HDAC1: variants seen among roughly 807,000 people sequenced by gnomAD.
HDAC1 encodes histone deacetylase 1, also known as protein deacetylase HDAC1.
In HDAC1, 18 loss-of-function variants were observed where a neutral mutation model predicts 65.5. The ratio of observed to expected loss-of-function variants is 0.27; its 90% confidence interval spans 0.19 to 0.41. HDAC1 has a LOEUF of 0.41. Ranked by LOEUF, HDAC1 falls within the 10% of genes least tolerant of loss-of-function variation. The pLI, the probability that HDAC1 is intolerant of heterozygous loss-of-function variation, is 1.00. For missense variants in HDAC1, 373 were observed against 625.2 expected, an observed-to-expected ratio of 0.60 and a Z score of 4.30; for synonymous variants, 211 against 227.9, an observed-to-expected ratio of 0.93 and a Z score of 0.67.
intron 13 of HDAC1, 80 bp from the exon 14 acceptor site, chr1:32,332,937 C>A: frequency 1.4e-6 from 2 of 1,433,044 alleles, no homozygotes; most frequent in Non-Finnish European, 2.0e-6. Flanking sequence ...CACCTAGGAT[C>A]CTGTGGAAGT....
chr1:32,333,175 A>T lies in HDAC1; in HGVS notation c.*131A>T. 2.6e-6 allele frequency: 2 copies of T among 759,154 alleles called. No individual in the cohort carries two copies. Among genetic ancestry groups the T allele is most frequent in the Non-Finnish European group, 4.1e-6 (2 of 488,314 alleles). 47.0% of individuals were successfully genotyped at this position (759,154 alleles called of 1,614,324 possible). On this transcript the variant is annotated 3_prime_UTR_variant, in exon 14 of 14. Coordinates refer to ENST00000373548, the MANE Select transcript of HDAC1 (RefSeq NM_004964.3). ...TAAATATAAATATCCCCAGGGACAG[A>T]AACCAAGGCCCCGAGCTCAGGGCAG...
intron 1 of HDAC1, among the ~76,000 whole-genome samples, chr1:32,302,378 G>A (rs1640859524): frequency 6.6e-6 from 1 of 151,800 alleles, no homozygotes; most frequent in African/African-American, 2.4e-5. Context: ...CTCTTGCTAT[G>A]TAGTGCCTGT....
intron 1 of HDAC1, among the ~76,000 whole-genome samples, chr1:32,292,677 C>G (rs1640713984): frequency 6.6e-6 from 1 of 152,016 alleles, no homozygotes; most frequent in South Asian, 2.1e-4. Context: ...GCGGGGCCTG[C>G]GGTTGCTACT....
rs960641597 is a variant in HDAC1, at chr1:32,332,575, A to T, written c.1373-126A>T. 6 of 727,674 alleles carry T rather than the reference A, an allele frequency of 8.2e-6. No homozygotes were observed. In the African/African-American group the frequency reaches 1.1e-4, roughly 13 times the overall value. The allele number at this position is 727,674 out of a possible 1,614,324, so 45.1% of individuals were successfully genotyped here. ...ACAGGGCTCACTGGGAGGACCAGGGATGGGCTTTTCTCTCTTTATGTCCAG... is the reference window on the plus strand; with the variant it reads ...ACAGGGCTCACTGGGAGGACCAGGGTTGGGCTTTTCTCTCTTTATGTCCAG... On this transcript the variant is annotated intron_variant, in intron 12 of 13. Coordinates refer to ENST00000373548, the MANE Select transcript of HDAC1 (RefSeq NM_004964.3).
chr1:32,322,929 AGTT>A (rs887468546), intron 3 of HDAC1, among the ~76,000 whole-genome samples: 75 of 152,188 alleles, frequency 4.9e-4, no homozygotes, highest in Admixed American at 2.6e-3. Context: ...CAGCTCATAG[AGTT>A]GTTGTGAGGA....
chr1:32,308,662 G>A (rs939129010), intron 2 of HDAC1, among the ~76,000 whole-genome samples: 7 of 151,896 alleles, frequency 4.6e-5, no homozygotes, highest in African/African-American at 1.7e-4. Context: ...GGGACTACAG[G>A]CACCTGCCAC....
intron 1 of HDAC1, among the ~76,000 whole-genome samples, chr1:32,301,850 G>A (rs753895772): frequency 2.0e-5 from 3 of 152,142 alleles, no homozygotes; most frequent in Non-Finnish European, 4.4e-5. Flanking sequence ...TTGAACTCCT[G>A]GGCTCAAGTG....
chr1:32,298,037 C>T (rs535455170), intron 1 of HDAC1, among the ~76,000 whole-genome samples: 29 of 151,270 alleles, frequency 1.9e-4, no homozygotes, highest in African/African-American at 6.8e-4. Flanking sequence ...GATTCGCCCG[C>T]CTCGGCCTCC....
chr1:32,324,123 A>T lies in HDAC1; in HGVS notation c.281-356A>T, dbSNP rs901976096. The stretch of plus-strand genomic sequence containing the variant: ...TCTAAAAAAAAAAAAAAGAAAAAAA[A>T]ATTAGCTGGGTATAGTGGCATGCAC... On this transcript the variant is annotated intron_variant, in intron 3 of 13. Coordinates refer to ENST00000373548, the MANE Select transcript of HDAC1 (RefSeq NM_004964.3). Among the ~76,000 whole-genome samples the T allele has an allele frequency of 2.0e-5, 3 of 151,948 alleles. No homozygotes were observed. In the South Asian group the frequency reaches 6.2e-4, roughly 31 times the overall value.
At chr1:32,318,564 A>G (rs1261155998) in intron 3 of HDAC1, among the ~76,000 whole-genome samples, 1 of 151,962 alleles carries the variant, frequency 6.6e-6, no homozygotes, top group Non-Finnish European at 1.5e-5. Flanking sequence ...CCAAAAAAAA[A>G]AAGACATTAG....
rs375190495 is a variant in HDAC1 at position 32,301,802 on chromosome 1, G to T, written c.50-819G>T. On this transcript the variant is annotated intron_variant, in intron 1 of 13. Transcript: ENST00000373548. ...GAAAGTCCTTGAATGCCAGTCTTCT[G>T]AAGTTATTATTATTAAATGTTGAGA... Among the ~76,000 whole-genome samples, 15 of 152,280 alleles carry T rather than the reference G, an allele frequency of 9.9e-5. No homozygotes were observed. The South Asian group carries it at 2.7e-3, about 27-fold the overall frequency.
intron 1 of HDAC1, among the ~76,000 whole-genome samples, chr1:32,296,396 A>G (rs181107572): frequency 5.3e-5 from 8 of 152,098 alleles, no homozygotes; most frequent in Admixed American, 1.3e-4. Context: ...ACAGGGCCTC[A>G]CTCTGTCACT....
In HDAC1 at chr1:32,327,099, T is replaced by C; in HGVS notation, c.494+22T>C. On this transcript the variant is annotated intron_variant, in intron 5 of 13. Transcript: ENST00000373548. The surrounding 1 kb of genome is among the most constrained non-coding windows in gnomAD (Gnocchi z 6.0). ...TAAAGTATGCCTGCCTGGCCTTGTC[T>C]CTTGGAAGAGCACCTTAGGCCAGGT... The C allele has an allele frequency of 1.2e-6, 2 of 1,613,154 alleles. No homozygotes were observed. Among genetic ancestry groups the C allele is most frequent in the Non-Finnish European group, 1.7e-6 (2 of 1,179,668 alleles).
At chr1:32,292,709 T>G (rs761645726) in intron 1 of HDAC1, among the ~76,000 whole-genome samples, 1 of 152,010 alleles carries the variant, frequency 6.6e-6, no homozygotes, top group Non-Finnish European at 1.5e-5. Flanking sequence ...CGCCAGGGGT[T>G]GCAAGGAGAA....
At chr1:32,299,592 T>C (rs1640817945) in intron 1 of HDAC1, among the ~76,000 whole-genome samples, 1 of 152,212 alleles carries the variant, frequency 6.6e-6, no homozygotes, top group Admixed American at 6.5e-5. Flanking sequence ...TCAAGGCTCA[T>C]GCCTTTTTTT....
chr1:32,333,084 C>G lies in HDAC1; in HGVS notation c.*40C>G. Reference sequence around the variant, plus strand: ...CTCTGGCTTCCTGCTGAGTCCCTCACGTTTCTTCCCCAACCCCTCAGATTT... The same window carrying G: ...CTCTGGCTTCCTGCTGAGTCCCTCAGGTTTCTTCCCCAACCCCTCAGATTT... On this transcript the variant is annotated 3_prime_UTR_variant, in exon 14 of 14. Transcript: ENST00000373548. 2.6e-6 allele frequency: 4 copies of G among 1,552,268 alleles called. No individual in the cohort carries two copies. The South Asian group carries it at 4.5e-5, about 17-fold the overall frequency.
chr1:32,332,694 G>A lies in HDAC1; in HGVS notation c.1373-7G>A. ...CCCTTGGCCATCCCTGTACTCTTGT[G>A]TTCTAGAAGTCACCGAAGAGGAGAA... On this transcript the variant is annotated splice_polypyrimidine_tract_variant and splice_region_variant and intron_variant, in intron 12 of 13. Transcript: ENST00000373548. The A allele has an allele frequency of 1.3e-6, 2 of 1,553,668 alleles. No homozygotes were observed. The highest frequency in any genetic ancestry group is 1.7e-6 in the Non-Finnish European group (2 of 1,147,734).
At position 32,317,839 on chromosome 1, in the gene HDAC1, C is replaced by T. The variant is rs80298084; in HGVS notation, c.280+1057C>T. On this transcript the variant is annotated intron_variant, in intron 3 of 13. Transcript: ENST00000373548. ...TAACCCATTTAGGCCAAGGATCAGG[C>T]TCTACTCTCAGCACAGTGGGCTCTC... is the stretch of plus-strand genomic sequence containing the variant. Among the ~76,000 whole-genome samples, 989 of 152,292 alleles carry T rather than the reference C, an allele frequency of 6.5e-3. 10 individuals carry two copies. The highest frequency in any genetic ancestry group is 0.023 in the African/African-American group (961 of 41,546).
Position 32,333,023 on chromosome 1 carries a change from G to C in HDAC1, c.1428G>C (p.Lys476Asn), listed in dbSNP as rs1321612184. The change falls in exon 14 of 14, where the codon AAG (lysine) becomes AAC (asparagine). Residue 476 changes from lysine to asparagine, a missense_variant. Physicochemically the swap from Lys to Asn is moderately conservative, Grantham distance 94 (BLOSUM62 0). This residue lies in a region of HDAC1 where 126 missense variants were observed against 126.2 expected (regional missense o/e 1.00). Transcript: ENST00000373548. Reference sequence around the variant, plus strand: ...GTCTCTGCTCTCTCCACAGGGTCAAGGAGGAGGTCAAGTTGGCCTGAATGG... The same window carrying C: ...GTCTCTGCTCTCTCCACAGGGTCAACGAGGAGGTCAAGTTGGCCTGAATGG... ...KEEKPEAKGV[K>N]EEVKLA The C allele has an allele frequency of 6.2e-7, 1 of 1,613,664 alleles. No homozygotes were observed. Among genetic ancestry groups the C allele is most frequent in the Non-Finnish European group, 8.5e-7 (1 of 1,179,746 alleles).
Sources: allele counts gnomAD v4.1 joint callset (sites outside exome capture counted in the v4.1 genomes callset), GRCh38; gene constraint gnomAD v4.1.1; regional missense constraint gnomAD v4.1.1; non-coding constraint Gnocchi (gnomAD v3.1); transcripts MANE v1.5; gene names NCBI Gene and HGNC (gene_info 2026-07-23, HGNC 2026-07-21).